Variants in IFT80 observed in about 807,000 individuals in gnomAD.
IFT80 encodes the protein intraflagellar transport protein 80 homolog.
IFT80 carries 79 observed loss-of-function variants against 107.9 expected under a neutral mutation model. The observed-to-expected ratio is 0.73, with a 90% CI of 0.61 to 0.88. The LOEUF is 0.88. Ranked by LOEUF, IFT80 falls within the 40% of genes least tolerant of loss-of-function variation. The pLI is 0.00. For synonymous variants in IFT80, 299 were observed against 300.9 expected (o/e 0.99, Z 0.07); for missense variants, 797 against 914.2 (o/e 0.87, Z 1.65).
At chr3:160,317,158 G>A (rs1717884024) in intron 9 of IFT80, among the ~76,000 whole-genome samples, 1 of 151,960 alleles carries the variant, frequency 6.6e-6, no homozygotes, top group Admixed American at 6.6e-5. Flanking sequence ...CCCAATGCCT[G>A]GCAAGTAGGG....
intron 8 of IFT80, among the ~76,000 whole-genome samples, chr3:160,329,309 T>A (rs778008107): frequency 3.3e-5 from 5 of 152,148 alleles, no homozygotes; most frequent in Admixed American, 6.6e-5. Context: ...ATGAGATACT[T>A]GGTTCACATT....
rs1187504310 is a variant in IFT80 at position 160,366,088 on chromosome 3, C to T, written c.504G>A (p.Lys168=). ...GTTGAAGAGGTTTAATGATTAGCTG[C>T]TTGCCTGCTGTATAAAGAACCTTTT... ...DSEKVLYTAG[K]QLIIKPLQPN... The change falls in exon 6 of 20, where the codon AAG becomes AAA. Residue 168 remains lysine, a synonymous_variant. Transcript: ENST00000326448. 1 of 1,612,676 alleles carries T rather than the reference C, an allele frequency of 6.2e-7. No individual in the cohort carries two copies. Among genetic ancestry groups the T allele is most frequent in the East Asian group, 2.2e-5 (1 of 44,814 alleles).
At position 160,367,613 on chromosome 3, in the gene IFT80, A is replaced by G. The variant is rs78546741; in HGVS notation, c.440-1461T>C. 3.9e-3 allele frequency among the ~76,000 whole-genome samples: 600 copies of G among 152,232 alleles called. 2 individuals carry two copies. The highest frequency in any genetic ancestry group is 0.024 in the East Asian group (125 of 5,190). On this transcript the variant is annotated intron_variant, in intron 5 of 19. Transcript: ENST00000326448. ...AAGCTTGGCTAAAAAAAGCTCCAAT[A>G]TCTTATAACTAGCATAAAGTTTACT...
intron 6 of IFT80, among the ~76,000 whole-genome samples, chr3:160,362,283 T>A (rs1045065556): frequency 1.3e-5 from 2 of 151,864 alleles, no homozygotes; most frequent in African/African-American, 2.4e-5. Flanking sequence ...CTAGAAGAAA[T>A]CGATTAACTC....
chr3:160,357,962 T>C (rs1721212976), intron 6 of IFT80, among the ~76,000 whole-genome samples: 1 of 152,154 alleles, frequency 6.6e-6, no homozygotes, highest in African/African-American at 2.4e-5. Flanking sequence ...ATATAGCAGA[T>C]TCCATTACTG....
chr3:160,357,998 A>C (rs921267499), intron 6 of IFT80, among the ~76,000 whole-genome samples: 8 of 138,386 alleles, frequency 5.8e-5, no homozygotes, highest in African/African-American at 2.0e-4. Context: ...TTGTTTACTT[A>C]TTTATTTTAT....
intron 1 of IFT80, among the ~76,000 whole-genome samples, chr3:160,387,511 A>C (rs1023672404): frequency 2.0e-5 from 3 of 152,330 alleles, no homozygotes; most frequent in African/African-American, 7.2e-5. Flanking sequence ...CTCAAAAAAC[A>C]AAAAAGAAAA....
At chr3:160,285,376 C>A (rs1715010792) in intron 13 of IFT80, among the ~76,000 whole-genome samples, 1 of 152,122 alleles carries the variant, frequency 6.6e-6, no homozygotes, top group Admixed American at 6.6e-5. Flanking sequence ...AATTCAGGGT[C>A]TTTTGTACTT....
intron 8 of IFT80, among the ~76,000 whole-genome samples, chr3:160,352,239 C>T (rs1720763970): frequency 6.6e-6 from 1 of 151,738 alleles, no homozygotes; most frequent in African/African-American, 2.4e-5. Context: ...CGTGATCTGC[C>T]TGCCTCGGCC....
At chr3:160,279,415 T>A (rs1714517273) in intron 15 of IFT80, 51 bp from the exon 16 acceptor site, 1 of 1,479,568 alleles carries the variant, frequency 6.8e-7, no homozygotes. Flanking sequence ...CTGAGCAAAA[T>A]TTTTCATGTA....
At chr3:160,337,155 T>C (rs1195591503) in intron 8 of IFT80, among the ~76,000 whole-genome samples, 1 of 152,110 alleles carries the variant, frequency 6.6e-6, no homozygotes, top group Non-Finnish European at 1.5e-5. Flanking sequence ...CATCCACCAT[T>C]TTATCTTAGT....
At chr3:160,302,460 A>G (rs1716504245) in intron 11 of IFT80, among the ~76,000 whole-genome samples, 1 of 152,074 alleles carries the variant, frequency 6.6e-6, no homozygotes, top group Non-Finnish European at 1.5e-5. Flanking sequence ...GTCTAAAAGC[A>G]TTTTATTTTC....
intron 13 of IFT80, 115 bp downstream of exon 13, chr3:160,285,689 G>A (rs868673357): frequency 4.0e-6 from 3 of 741,658 alleles, no homozygotes; most frequent in Non-Finnish European, 6.7e-6. Context: ...AATGCACATT[G>A]ATTTTAAATA....
At chr3:160,284,494 TA>T (rs1350598681) in intron 13 of IFT80, among the ~76,000 whole-genome samples, 1 of 152,182 alleles carries the variant, frequency 6.6e-6, no homozygotes, top group Non-Finnish European at 1.5e-5. Flanking sequence ...AGTGCAAAGG[TA>T]AACTCATACA....
At chr3:160,263,583 G>A (rs996472154) in intron 19 of IFT80, among the ~76,000 whole-genome samples, 9 of 152,118 alleles carry the variant, frequency 5.9e-5, no homozygotes, top group Non-Finnish European at 1.2e-4. Flanking sequence ...TCTCCTTCAA[G>A]TGACTGGCAA....
chr3:160,373,010 G>A (rs549673305), intron 5 of IFT80, among the ~76,000 whole-genome samples: 2 of 152,270 alleles, frequency 1.3e-5, no homozygotes, highest in Non-Finnish European at 2.9e-5. Context: ...TTCACTGTAA[G>A]TGAAATTTTT....
chr3:160,315,257 C>G (rs1487660788), intron 9 of IFT80, among the ~76,000 whole-genome samples: 1 of 152,108 alleles, frequency 6.6e-6, no homozygotes, highest in African/African-American at 2.4e-5. Context: ...AAGATAAACA[C>G]AGAGCAGAAG....
Position 160,366,169 on chromosome 3 carries a change from GAAAAA to G in IFT80, c.440-22_440-18del, listed in dbSNP as rs199675485. 9.7e-6 allele frequency: 13 copies of G among 1,345,024 alleles called. No individual in the cohort carries two copies. In the South Asian group the frequency reaches 1.7e-4, roughly 18 times the overall value. 83.3% of individuals were successfully genotyped at this position (1,345,024 alleles called of 1,614,324 possible). A position where few individuals can be genotyped will look rare whatever the true frequency, so the allele number is the denominator to read the frequency against. On this transcript the variant is annotated intron_variant, in intron 5 of 19. Transcript: ENST00000326448. ...CTGGTGTTCCTGTAAGATGAAAAAA[GAAAAA>G]AAAAAGGCTGATAAACTTTAATTAT...
chr3:160,300,916 T>C lies in IFT80; in HGVS notation c.1282A>G (p.Thr428Ala). The change falls in exon 12 of 20, where the codon ACC becomes GCC. Residue 428 changes from threonine (T) to alanine (A), a missense_variant. Transcript: ENST00000326448. ...NAQTVSLSND[T>A]IAIRDKADEK... The stretch of plus-strand genomic sequence containing the variant: ...TCAGCTTTGTCTCTTATTGCTATGG[T>C]ATCATTACTCAAAGACACAGTCTGT... 1 of 1,609,800 alleles carries C rather than the reference T, an allele frequency of 6.2e-7. No homozygotes were observed. Among genetic ancestry groups the C allele is most frequent in the Non-Finnish European group, 8.5e-7 (1 of 1,177,856 alleles).
Sources: allele counts gnomAD v4.1 joint callset (sites outside exome capture counted in the v4.1 genomes callset), GRCh38; gene constraint gnomAD v4.1.1; transcripts MANE v1.5; gene names NCBI Gene and HGNC (gene_info 2026-07-23, HGNC 2026-07-21).